Variants in SOD2 observed in about 807,000 individuals in gnomAD.
SOD2 encodes the protein superoxide dismutase 2.
A neutral mutation model predicts 27.0 loss-of-function variants in SOD2; 11 were observed. The ratio of observed to expected loss-of-function variants is 0.41; its 90% CI spans 0.26 to 0.67. The LOEUF is 0.67. Among genes scored for constraint, SOD2 ranks in the 30% least tolerant of loss-of-function variants. The pLI is 0.34. For missense variants in SOD2, 250 were observed against 274.5 expected (o/e 0.91, Z 0.63); for synonymous variants, 105 against 103.0 (o/e 1.02, Z -0.12).
intron 1 of SOD2, among the ~76,000 whole-genome samples, chr6:159,759,145 C>T (rs1404857988): frequency 6.6e-6 from 1 of 150,898 alleles, no homozygotes; most frequent in Non-Finnish European, 1.5e-5. Context: ...CCACAACCTC[C>T]GCCTCCCAGG....
intron 1 of SOD2, chr6:159,745,041 G>A (rs981858259): frequency 6.6e-6 from 1 of 152,146 alleles, no homozygotes; most frequent in African/African-American, 2.4e-5. Context: ...CAGTTTTGTT[G>A]TAATTCTTAC....
intron 1 of SOD2, among the ~76,000 whole-genome samples, chr6:159,742,943 C>T (rs1779352497): frequency 6.6e-6 from 1 of 152,116 alleles, no homozygotes. Flanking sequence ...GTCAAGGCTG[C>T]TGCAGTGAGC....
At chr6:159,694,630 C>G (rs964673547), upstream of SOD2, among the ~76,000 whole-genome samples, 3 of 152,106 alleles carry the variant, frequency 2.0e-5, no homozygotes, top group Admixed American at 1.3e-4. Flanking sequence ...CAGCCTCGCT[C>G]TGTCGCTCAG....
At chr6:159,685,886 A>G (rs1449825848) in intron 3 of SOD2, among the ~76,000 whole-genome samples, 1 of 152,114 alleles carries the variant, frequency 6.6e-6, no homozygotes, top group East Asian at 1.9e-4. Flanking sequence ...CACTCACTGT[A>G]CTATCTTTGT....
chr6:159,752,478 A>G lies in SOD2; in HGVS notation c.-335-3802T>C, dbSNP rs142738275. Among the ~76,000 whole-genome samples, 10 of 152,352 alleles carry G rather than the reference A, an allele frequency of 6.6e-5. No individual in the cohort carries two copies. In the East Asian group the frequency reaches 7.7e-4, roughly 12 times the overall value. ...TTGAGCTTTTCATTACATATTTGCA[A>G]TTGCTATGTATGTGCACATAGGTTC... is the stretch of plus-strand genomic sequence containing the variant. On this transcript the variant is annotated intron_variant, in intron 1 of 7. Transcript: ENST00000546087.
intron 1 of SOD2, among the ~76,000 whole-genome samples, chr6:159,700,893 A>C (rs1168968272): frequency 2.0e-5 from 3 of 152,230 alleles, no homozygotes; most frequent in Non-Finnish European, 2.9e-5. Flanking sequence ...AAGCTTTCCA[A>C]ATCAAGCAGA....
chr6:159,751,679 C>T (rs933879428), intron 1 of SOD2, among the ~76,000 whole-genome samples: 3 of 152,202 alleles, frequency 2.0e-5, no homozygotes, highest in African/African-American at 7.2e-5. Context: ...CCCTCGGGCT[C>T]CTCTGAGCAG....
chr6:159,703,191 G>A (rs1350357794), intron 1 of SOD2, among the ~76,000 whole-genome samples: 1 of 152,038 alleles, frequency 6.6e-6, no homozygotes, highest in Non-Finnish European at 1.5e-5. Context: ...GCGCATGCCT[G>A]TAATCCCAGC....
chr6:159,690,281 C>T (rs947099710), intron 2 of SOD2, among the ~76,000 whole-genome samples: 7 of 113,252 alleles, frequency 6.2e-5, no homozygotes, highest in South Asian at 3.0e-4. Context: ...ACTGAGATTC[C>T]GTCAAAAAAA....
intron 1 of SOD2, among the ~76,000 whole-genome samples, chr6:159,750,780 A>G (rs1221904776): frequency 6.6e-6 from 1 of 152,280 alleles, no homozygotes; most frequent in African/African-American, 2.4e-5. Context: ...ATTGGCTGTA[A>G]GCCAGAGTAT....
chr6:159,692,203 G>A (rs1777234772), intron 2 of SOD2: 3 of 328,374 alleles, frequency 9.1e-6, no homozygotes, highest in South Asian at 1.3e-4. Context: ...ACCCGATGAT[G>A]TCTGGCCACC....
chr6:159,693,746 AGCT>A (rs557925426), upstream of SOD2, among the ~76,000 whole-genome samples: 35 of 152,312 alleles, frequency 2.3e-4, 1 homozygote, highest in South Asian at 6.4e-3. Flanking sequence ...GACGGGGCCT[AGCT>A]GCTGGTCAGC....
At chr6:159,709,098 C>G (rs1175197005) in intron 1 of SOD2, among the ~76,000 whole-genome samples, 3 of 152,110 alleles carry the variant, frequency 2.0e-5, no homozygotes, top group Admixed American at 1.3e-4. Context: ...TTCCTTACAC[C>G]TTATACAAAA....
chr6:159,702,849 C>CG (rs1562432822), intron 1 of SOD2, among the ~76,000 whole-genome samples: 1 of 42,472 alleles, frequency 2.4e-5, no homozygotes, highest in Non-Finnish European at 4.2e-5. Flanking sequence ...GACCCTATCT[C>CG]GAAAAAAAAA....
chr6:159,711,813 T>A (rs1309417668), intron 1 of SOD2, among the ~76,000 whole-genome samples: 4 of 98,966 alleles, frequency 4.0e-5, no homozygotes, highest in African/African-American at 1.6e-4. Context: ...CATAACCACC[T>A]CCATAACCAC....
rs1205418109 is a variant in SOD2, at chr6:159,743,244, ACCGTGTTGGTTAGG to A, written c.-116+1872_-116+1885del. On this transcript the variant is annotated intron_variant, in intron 1 of 3. Coordinates refer to the SOD2 transcript ENST00000537657. The stretch of plus-strand genomic sequence containing the variant: ...GTATTTTTAGTAGAGACGGTGTTTC[ACCGTGTTGGTTAGG>A]CTGGTCTGAAACTCCTGACCTCAGG... Among the ~76,000 whole-genome samples, 5 of 152,172 alleles carry A rather than the reference ACCGTGTTGGTTAGG, an allele frequency of 3.3e-5. No individual in the cohort carries two copies. In the East Asian group the frequency reaches 9.7e-4, roughly 29 times the overall value.
At chr6:159,724,823 G>A (rs894843812) in intron 1 of SOD2, among the ~76,000 whole-genome samples, 2 of 147,244 alleles carry the variant, frequency 1.4e-5, no homozygotes, top group African/African-American at 5.0e-5. Flanking sequence ...CTGCACTCCA[G>A]CCTGGACGAC....
upstream of SOD2, among the ~76,000 whole-genome samples, chr6:159,696,621 C>T (rs903146875): frequency 7.9e-5 from 12 of 152,228 alleles, no homozygotes; most frequent in African/African-American, 2.9e-4. Context: ...TGCCTGGCCC[C>T]ACTATCTCCA....
In SOD2 at chr6:159,688,145, G is replaced by A. The variant is rs972842910; in HGVS notation, c.324C>T (p.Asn108=). The part of the protein sequence containing the change: ...HSIFWTNLSP[N]GGGEPKGELL... ...ACCAACCTTTGGGTTCTCCACCACCGTTAGGGCTGAGGTTTGTCCAGAAAA... is the reference window on the plus strand; with the variant it reads ...ACCAACCTTTGGGTTCTCCACCACCATTAGGGCTGAGGTTTGTCCAGAAAA... Residue 108 remains asparagine (N), a synonymous_variant, in exon 3 of 5, where the codon AAC becomes AAT. Coordinates refer to ENST00000538183, the MANE Select transcript of SOD2 (RefSeq NM_000636.4). 2.4e-5 allele frequency: 38 copies of A among 1,609,322 alleles called. No homozygotes were observed. Among genetic ancestry groups the A allele is most frequent in the African/African-American group, 5.3e-5 (4 of 74,788 alleles).
Sources: allele counts gnomAD v4.1 joint callset (sites outside exome capture counted in the v4.1 genomes callset), GRCh38; gene constraint gnomAD v4.1.1; transcripts MANE v1.5; gene names NCBI Gene and HGNC (gene_info 2026-07-23, HGNC 2026-07-21).